ADAM9: variants seen among roughly 807,000 people sequenced by gnomAD.
ADAM9 encodes the protein ADAM metallopeptidase domain 9.
ADAM9 carries 54 observed loss-of-function variants against 108.1 expected under a neutral mutation model. The ratio of observed to expected loss-of-function variants is 0.50; its 90% CI spans 0.40 to 0.63. ADAM9 has a LOEUF of 0.63. ADAM9 is among the 20% of genes least tolerant of loss of function. The pLI is 0.00. For synonymous variants in ADAM9, 316 were observed against 336.0 expected (o/e 0.94, Z 0.65); for missense variants, 830 against 997.7 (o/e 0.83, Z 2.26).
chr8:39,077,934 TG>T, intron 16 of ADAM9, among the ~76,000 whole-genome samples: 1 of 152,246 alleles, frequency 6.6e-6, no homozygotes, highest in East Asian at 1.9e-4. Flanking sequence ...GGGCAGAAAC[TG>T]TAAGAATTCG....
intron 14 of ADAM9, among the ~76,000 whole-genome samples, chr8:39,061,647 C>T (rs1838302397): frequency 6.6e-6 from 1 of 151,016 alleles, no homozygotes; most frequent in Non-Finnish European, 1.5e-5. Context: ...CTGGGAAGTC[C>T]AAGATAAAGG....
intron 4 of ADAM9, chr8:39,014,261 TA>T: frequency 1.8e-6 from 1 of 568,638 alleles, no homozygotes; most frequent in Non-Finnish European, 3.1e-6. Context: ...GTTTTTTTTT[TA>T]AAGACTAGGA....
chr8:39,025,207 C>T (rs1279850849), intron 9 of ADAM9, among the ~76,000 whole-genome samples: 1 of 152,180 alleles, frequency 6.6e-6, no homozygotes, highest in Non-Finnish European at 1.5e-5. Context: ...TCTTCTGCCT[C>T]AGCCTCCCGA....
rs748111863 is a variant in ADAM9 at position 38,997,067 on chromosome 8, G to T, written c.4G>T (p.Gly2Trp). ...GGAACCTGCGGAATCGGCCGAGATG[G>T]GGTCTGGCGCGCGCTTTCCCTCGGG... Reference protein sequence around the residue: MGSGARFPSGTL... With the variant: MWSGARFPSGTL... Residue 2 changes from glycine (G) to tryptophan (W), a missense_variant, in exon 1 of 22, where the codon GGG (glycine) becomes TGG (tryptophan). Around this residue, in one of 3 missense-constraint regions of ADAM9, gnomAD observed 211 missense variants for 222.2 expected, o/e 0.95. Coordinates refer to ENST00000487273, the MANE Select transcript of ADAM9 (RefSeq NM_003816.3). The T allele has an allele frequency of 6.2e-7, 1 of 1,607,590 alleles. No homozygotes were observed. Among genetic ancestry groups the T allele is most frequent in the Non-Finnish European group, 8.5e-7 (1 of 1,179,542 alleles).
chr8:39,005,127 A>C (rs1351546111), intron 1 of ADAM9, among the ~76,000 whole-genome samples: 1 of 152,102 alleles, frequency 6.6e-6, no homozygotes, highest in Non-Finnish European at 1.5e-5. Context: ...CCTTAATCCT[A>C]AAGATTGTAG....
chr8:39,046,091 C>T (rs1411643873), intron 12 of ADAM9, among the ~76,000 whole-genome samples: 1 of 152,060 alleles, frequency 6.6e-6, no homozygotes, highest in Non-Finnish European at 1.5e-5. Context: ...TTTAATTATT[C>T]CAATCCATGA....
intron 4 of ADAM9, chr8:39,014,507 T>A: frequency 1.4e-6 from 1 of 700,050 alleles, no homozygotes; most frequent in Non-Finnish European, 2.6e-6. Context: ...TGGTCCTCTC[T>A]GCATCAGAGA....
At chr8:39,051,849 C>A (rs552463362) in intron 12 of ADAM9, among the ~76,000 whole-genome samples, 2 of 152,112 alleles carry the variant, frequency 1.3e-5, no homozygotes, top group East Asian at 1.9e-4. Flanking sequence ...ACCATACTCT[C>A]ATTAATTACT....
At chr8:39,045,528 G>A (rs1837731817) in intron 12 of ADAM9, among the ~76,000 whole-genome samples, 3 of 125,046 alleles carry the variant, frequency 2.4e-5, no homozygotes, top group Middle Eastern at 5.0e-3. Context: ...ATATATATGT[G>A]CATATGTGTG....
At chr8:39,048,093 G>T (rs576458539) in intron 12 of ADAM9, among the ~76,000 whole-genome samples, 33 of 151,998 alleles carry the variant, frequency 2.2e-4, no homozygotes, top group Non-Finnish European at 2.5e-4. Flanking sequence ...GCTAATTTTT[G>T]TATTTTTAGT....
Position 39,014,015 on chromosome 8 carries a change from C to G in ADAM9, c.305C>G (p.Thr102Ser). 1 of 1,613,596 alleles carries G rather than the reference C, an allele frequency of 6.2e-7. No individual in the cohort carries two copies. Among genetic ancestry groups the G allele is most frequent in the Non-Finnish European group, 8.5e-7 (1 of 1,179,612 alleles). ...FVVYTYNKEGTLITDHPNIQN... is the reference protein window; with the variant it reads ...FVVYTYNKEGSLITDHPNIQN... ...GTTTATACTTACAACAAGGAAGGGA[C>G]TTTAATCACTGACCATCCCAATATA... Residue 102 changes from threonine (T) to serine (S), a missense_variant, in exon 4 of 22, where the codon ACT (threonine) becomes AGT (serine). Around this residue, in one of 3 missense-constraint regions of ADAM9, gnomAD observed 211 missense variants for 222.2 expected, o/e 0.95. Coordinates refer to ENST00000487273, the MANE Select transcript of ADAM9 (RefSeq NM_003816.3).
Position 39,104,561 on chromosome 8 carries a change from CA to C in ADAM9, c.*863del, listed in dbSNP as rs1839806283. 2.5e-6 allele frequency: 1 copy of C among 399,584 alleles called. No homozygotes were observed. Among genetic ancestry groups the C allele is most frequent in the South Asian group, 1.9e-5 (1 of 53,520 alleles). 24.8% of individuals were successfully genotyped at this position (399,584 alleles called of 1,614,324 possible). A position where few individuals can be genotyped will look rare whatever the true frequency, so the allele number is the denominator to read the frequency against. ...CAGGAGCAATTATAAAATCTTCAAT[CA>C]ATTGAACTTTTACAAAACCACTTGA... On this transcript the variant is annotated 3_prime_UTR_variant, in exon 22 of 22. Coordinates refer to ENST00000487273, the MANE Select transcript of ADAM9 (RefSeq NM_003816.3).
intron 16 of ADAM9, among the ~76,000 whole-genome samples, chr8:39,082,309 C>T (rs773910772): frequency 3.6e-4 from 54 of 152,004 alleles, no homozygotes; most frequent in Non-Finnish European, 6.5e-4. Flanking sequence ...GGGGTTAACT[C>T]TATCTAGTTA....
At chr8:39,037,142 T>C (rs1343756548) in intron 11 of ADAM9, among the ~76,000 whole-genome samples, 1 of 140,782 alleles carries the variant, frequency 7.1e-6, no homozygotes, top group Non-Finnish European at 1.5e-5. Flanking sequence ...CTGCAAGCTC[T>C]GCCTCCCGGG....
intron 1 of ADAM9, among the ~76,000 whole-genome samples, chr8:38,998,734 G>C (rs1206112533): frequency 6.6e-6 from 1 of 152,192 alleles, no homozygotes; most frequent in African/African-American, 2.4e-5. Flanking sequence ...TACATTCTAA[G>C]CAGAGGAAAG....
intron 1 of ADAM9, among the ~76,000 whole-genome samples, chr8:39,005,154 C>A (rs1369409625): frequency 6.6e-6 from 1 of 152,120 alleles, no homozygotes; most frequent in East Asian, 1.9e-4. Flanking sequence ...AAAGATCTAT[C>A]TTCTGTGACT....
At chr8:39,073,350 G>A (rs1838756687) in intron 15 of ADAM9, among the ~76,000 whole-genome samples, 1 of 152,102 alleles carries the variant, frequency 6.6e-6, no homozygotes, top group Admixed American at 6.5e-5. Context: ...TTGTTACTAG[G>A]TGCATACACA....
In ADAM9 at chr8:39,042,226, G is replaced by C; in HGVS notation, c.1302+109G>C. On this transcript the variant is annotated intron_variant, in intron 12 of 21. Transcript: ENST00000487273. ...CATAGGAGCTAAAGTAAAATTTAGT[G>C]GCACAGTGAGGATTGTTATTTTGTT... 3.4e-6 allele frequency: 4 copies of C among 1,167,632 alleles called. 1 individual carries two copies. 72.3% of individuals were successfully genotyped at this position (1,167,632 alleles called of 1,614,324 possible). A position where few individuals can be genotyped will look rare whatever the true frequency, so the allele number is the denominator to read the frequency against.
chr8:39,036,040 T>C (rs928509233), intron 11 of ADAM9, among the ~76,000 whole-genome samples: 2 of 152,068 alleles, frequency 1.3e-5, no homozygotes, highest in Non-Finnish European at 2.9e-5. Context: ...CTTTTTTTTT[T>C]AGATGCTAGT....
Sources: allele counts gnomAD v4.1 joint callset (sites outside exome capture counted in the v4.1 genomes callset), GRCh38; gene constraint gnomAD v4.1.1; regional missense constraint gnomAD v4.1.1; transcripts MANE v1.5; gene names NCBI Gene and HGNC (gene_info 2026-07-23, HGNC 2026-07-21).